The following COPS7B variants were observed in gnomAD, a reference collection of about 807,000 sequenced individuals.
COPS7B encodes the protein COP9 signalosome complex subunit 7b.
COPS7B carries 9 observed loss-of-function variants against 33.4 expected under a neutral mutation model. The ratio of observed to expected loss-of-function variants is 0.27; its 90% confidence interval spans 0.16 to 0.47. COPS7B has a LOEUF of 0.47. Ranked by LOEUF, COPS7B falls within the 20% of genes least tolerant of loss-of-function variation. COPS7B has a pLI of 0.99. For missense variants in COPS7B, 242 were observed against 318.2 expected, an observed-to-expected ratio of 0.76 and a Z score of 1.82; for synonymous variants, 119 against 126.3, an observed-to-expected ratio of 0.94 and a Z score of 0.39.
rs182114215 is a variant in COPS7B, at chr2:231,796,634, C to T, written c.530+326C>T. ...TGTGTGAGGCTAGTCCTGCCCTTTCCAAACTCACGCTCAAAGTTTGACCAA... is the reference window on the plus strand; with the variant it reads ...TGTGTGAGGCTAGTCCTGCCCTTTCTAAACTCACGCTCAAAGTTTGACCAA... On this transcript the variant is annotated intron_variant, in intron 5 of 6. Transcript: ENST00000350033. 1.5e-3 allele frequency among the ~76,000 whole-genome samples: 235 copies of T among 152,318 alleles called. 1 individual carries two copies. Among genetic ancestry groups the T allele is most frequent in the African/African-American group, 5.0e-3 (207 of 41,560 alleles).
chr2:231,796,944 A>T (rs1023374803), intron 5 of COPS7B, among the ~76,000 whole-genome samples: 2 of 152,238 alleles, frequency 1.3e-5, no homozygotes, highest in African/African-American at 4.8e-5. Flanking sequence ...ATGGAATTTG[A>T]TATTTGTAAG....
intron 6 of COPS7B, among the ~76,000 whole-genome samples, chr2:231,804,629 T>G (rs895954058): frequency 3.9e-5 from 6 of 152,196 alleles, no homozygotes; most frequent in African/African-American, 1.4e-4. Context: ...AAGATGAAAT[T>G]AGGAATTTTT....
rs2049946938 is a variant in COPS7B, at chr2:231,808,060, G to A, written c.*415G>A. 2 of 197,722 alleles carry A rather than the reference G, an allele frequency of 1.0e-5. No homozygotes were observed. Among genetic ancestry groups the A allele is most frequent in the South Asian group, 1.7e-4 (2 of 11,522 alleles). 12.2% of individuals were successfully genotyped at this position (197,722 alleles called of 1,614,324 possible). On this transcript the variant is annotated 3_prime_UTR_variant, in exon 7 of 7. Transcript: ENST00000350033. Reference sequence around the variant, plus strand: ...AGGCCCCTCCCCTTGTGAGGAGGGGGCACTCCTCTCCAGCCCCTGGTACCA... The same window carrying A: ...AGGCCCCTCCCCTTGTGAGGAGGGGACACTCCTCTCCAGCCCCTGGTACCA...
chr2:231,781,822 A>T (rs1283878796), upstream of COPS7B: 10 of 1,550,844 alleles, frequency 6.4e-6, no homozygotes, highest in East Asian at 2.4e-5. Context: ...CCTCAAAAGA[A>T]GATGACAGCC....
Position 231,806,574 on chromosome 2 carries a change from CT to C in COPS7B, c.637-912del, listed in dbSNP as rs979660329. 2.0e-3 allele frequency among the ~76,000 whole-genome samples: 291 copies of C among 147,158 alleles called. 1 individual carries two copies. Among genetic ancestry groups the C allele is most frequent in the African/African-American group, 6.7e-3 (266 of 39,928 alleles). ...TCTCCAAAAAAAAAAAAAAAAAAGACTAAAAAAGCTATTACTTATTTGACTG... is the reference window on the plus strand; with the variant it reads ...TCTCCAAAAAAAAAAAAAAAAAAGACAAAAAAGCTATTACTTATTTGACTG... On this transcript the variant is annotated intron_variant, in intron 6 of 6. Transcript: ENST00000350033.
At chr2:231,786,616 G>A (rs1432707281) in intron 1 of COPS7B, 78 bp downstream of exon 1, 3 of 712,444 alleles carry the variant, frequency 4.2e-6, no homozygotes, top group African/African-American at 1.9e-5. Context: ...AGAGCCCGCC[G>A]CCAAGGAAGC....
In COPS7B at chr2:231,796,266, G is replaced by C. The variant is rs755948294; in HGVS notation, c.488G>C (p.Arg163Pro). ...GATTTCTGCATTGGCCGTGACATCC[G>C]AAAGAAGGATATCAATAATATTGTC... is the stretch of plus-strand genomic sequence containing the variant. ...EVDFCIGRDI[R>P]KKDINNIVKT... Residue 163 changes from arginine to proline, a missense_variant, in exon 5 of 7, where the codon CGA (arginine) becomes CCA (proline). Coordinates refer to ENST00000350033, the MANE Select transcript of COPS7B (RefSeq NM_022730.4). 1 of 1,614,166 alleles carries C rather than the reference G, an allele frequency of 6.2e-7. No individual in the cohort carries two copies. The highest frequency in any genetic ancestry group is 1.7e-5 in the Admixed American group (1 of 60,020).
rs1394117337 is a variant in COPS7B at position 231,796,314 on chromosome 2, G to A, written c.530+6G>A. The A allele has an allele frequency of 6.2e-7, 1 of 1,612,658 alleles. No homozygotes were observed. Among genetic ancestry groups the A allele is most frequent in the South Asian group, 1.1e-5 (1 of 91,024 alleles). ...GTCAAGACCCTGCATGAATGGTGAG[G>A]CTAAAAGGAGGAGGGGGATATCTAG... On this transcript the variant is annotated splice_donor_region_variant and intron_variant, in intron 5 of 6. Transcript: ENST00000350033.
At chr2:231,794,585 G>A (rs1415450594) in intron 4 of COPS7B, among the ~76,000 whole-genome samples, 3 of 152,276 alleles carry the variant, frequency 2.0e-5, no homozygotes, top group African/African-American at 7.2e-5. Context: ...CTGTGGTGCC[G>A]CATGTGGCAT....
At chr2:231,787,773 GTTTT>G (rs577295116) in intron 1 of COPS7B, among the ~76,000 whole-genome samples, 183 of 152,198 alleles carry the variant, frequency 1.2e-3, no homozygotes, top group African/African-American at 4.2e-3. Context: ...TTCTTGTCTG[GTTTT>G]TTGTTTTCCT....
chr2:231,805,261 C>T (rs2049857661), intron 6 of COPS7B, among the ~76,000 whole-genome samples: 1 of 151,910 alleles, frequency 6.6e-6, no homozygotes, highest in African/African-American at 2.4e-5. Context: ...TCACTCACCA[C>T]CTTGCCAGGT....
chr2:231,788,898 C>A, intron 2 of COPS7B, 166 bp downstream of exon 2: 1 of 560,692 alleles, frequency 1.8e-6, no homozygotes, highest in South Asian at 2.8e-5. Context: ...ATCCTTGGCT[C>A]CTTTTATCCA....
chr2:231,784,903 C>G (rs145130561), upstream of COPS7B, among the ~76,000 whole-genome samples: 2 of 152,224 alleles, frequency 1.3e-5, no homozygotes, highest in African/African-American at 4.8e-5. Flanking sequence ...ACCTCCACCT[C>G]CTGGGTTCAA....
chr2:231,791,640 C>T, intron 2 of COPS7B, 93 bp from the exon 3 acceptor site: 6 of 1,020,600 alleles, frequency 5.9e-6, no homozygotes, highest in Middle Eastern at 2.7e-4. Flanking sequence ...ACAGCCATGG[C>T]ATCTTTGACA....
At chr2:231,804,396 C>T (rs889173610) in intron 6 of COPS7B, among the ~76,000 whole-genome samples, 2 of 151,804 alleles carry the variant, frequency 1.3e-5, no homozygotes, top group Non-Finnish European at 2.9e-5. Flanking sequence ...TACAGGTGCC[C>T]GCCACGTCAC....
chr2:231,786,459 T>C lies in COPS7B; in HGVS notation c.-96T>C, dbSNP rs1007044215. On this transcript the variant is annotated 5_prime_UTR_variant, in exon 1 of 7. Coordinates refer to ENST00000350033, the MANE Select transcript of COPS7B (RefSeq NM_022730.4). ...AGAAAAGCGCCGGACGCCGGGGTGA[T>C]CATGGACGCTTGACAACCTGCGGGC... 82 of 985,756 alleles carry C rather than the reference T, an allele frequency of 8.3e-5. No homozygotes were observed. The highest frequency in any genetic ancestry group is 1.1e-4 in the East Asian group (1 of 8,832). The allele number at this position is 985,756 out of a possible 1,614,324, so 61.1% of individuals were successfully genotyped here. A position where few individuals can be genotyped will look rare whatever the true frequency, so the allele number is the denominator to read the frequency against.
At chr2:231,794,438 T>C (rs1476470847) in intron 4 of COPS7B, 87 bp downstream of exon 4, 3 of 1,037,470 alleles carry the variant, frequency 2.9e-6, no homozygotes, top group East Asian at 2.5e-5. Flanking sequence ...CAGCTGCACA[T>C]AGGAGAGTCA....
At chr2:231,784,497 A>C (rs547739408), upstream of COPS7B, among the ~76,000 whole-genome samples, 28 of 152,092 alleles carry the variant, frequency 1.8e-4, no homozygotes, top group African/African-American at 5.3e-4. Context: ...GGAAAAAAAA[A>C]CCAAAATACT....
At chr2:231,789,832 A>G (rs570230646) in intron 2 of COPS7B, 2 of 152,182 alleles carry the variant, frequency 1.3e-5, no homozygotes, top group Admixed American at 6.5e-5. Context: ...GTGTCTGCCT[A>G]TTCCTCTTGA....
Sources: gnomAD v4.1 joint callset for allele counts (sites outside exome capture counted in the v4.1 genomes callset) on GRCh38, gnomAD v4.1.1 for gene constraint, MANE v1.5 for transcripts, NCBI Gene and HGNC (gene_info 2026-07-23, HGNC 2026-07-21) for gene names.